Variants in NT5DC1 observed in about 807,000 individuals in gnomAD.
The protein encoded by NT5DC1 is 5'-nucleotidase domain-containing protein 1.
In NT5DC1, 42 loss-of-function variants were observed where a neutral mutation model predicts 59.4. That is an observed-to-expected ratio of 0.71 (90% CI 0.55 to 0.92). The LOEUF (loss-of-function observed/expected upper bound fraction) is 0.92, where lower values mean the gene tolerates loss of function less well. Among genes scored for constraint, NT5DC1 ranks in the 40% least tolerant of loss-of-function variants. The pLI, the probability that NT5DC1 is intolerant of heterozygous loss-of-function variation, is 0.00. For missense variants in NT5DC1, 501 were observed against 537.1 expected (o/e 0.93, Z 0.66); for synonymous variants, 172 against 188.1 (o/e 0.91, Z 0.70).
At chr6:116,175,001 G>A (rs1204779) in intron 6 of NT5DC1, among the ~76,000 whole-genome samples, 21,067 of 152,078 alleles carry the variant, frequency 0.14, 1,907 homozygotes, top group African/African-American at 0.25. Context: ...TCATTAGTAA[G>A]GGATATAGAA....
At chr6:116,230,140 C>T (rs964520326) in intron 8 of NT5DC1, among the ~76,000 whole-genome samples, 16 of 152,162 alleles carry the variant, frequency 1.1e-4, no homozygotes, top group Admixed American at 1.0e-3. Flanking sequence ...CCTCCTCTCC[C>T]TTTCCACTAG....
At chr6:116,207,141 A>G (rs1491000516) in intron 6 of NT5DC1, among the ~76,000 whole-genome samples, 1 of 151,964 alleles carries the variant, frequency 6.6e-6, no homozygotes. Flanking sequence ...CTGGGAGCTG[A>G]TATCTCTGCA....
chr6:116,203,999 T>A (rs948438342), intron 6 of NT5DC1, among the ~76,000 whole-genome samples: 2 of 151,810 alleles, frequency 1.3e-5, no homozygotes, highest in African/African-American at 4.8e-5. Context: ...ATATACCTAT[T>A]CCCAGCTCTC....
chr6:116,104,773 G>A lies in NT5DC1; in HGVS notation c.94-1471G>A, dbSNP rs535265681. On this transcript the variant is annotated intron_variant, in intron 1 of 11. Coordinates refer to ENST00000319550, the MANE Select transcript of NT5DC1 (RefSeq NM_152729.3). ...GCACTGGTTTCTTATAAGCAGGATC[G>A]TGATGTGGACTTTTTATTGTCCATA... 3.3e-5 allele frequency among the ~76,000 whole-genome samples: 5 copies of A among 152,314 alleles called. No homozygotes were observed. In the South Asian group the frequency reaches 6.2e-4, roughly 19 times the overall value.
At chr6:116,236,922 C>G (rs1782124152) in intron 8 of NT5DC1, 44 bp from the exon 9 acceptor site, 4 of 1,277,646 alleles carry the variant, frequency 3.1e-6, no homozygotes, top group East Asian at 4.6e-5. Context: ...ACTGGCTACT[C>G]TCACTTGATT....
intron 6 of NT5DC1, chr6:116,122,045 T>G: frequency 8.8e-7 from 1 of 1,139,048 alleles, no homozygotes; most frequent in Non-Finnish European, 1.3e-6. Context: ...AAACTATGAA[T>G]TGGGACACGA....
intron 6 of NT5DC1, chr6:116,126,235 A>G (rs530772397): frequency 6.6e-6 from 1 of 152,226 alleles, no homozygotes; most frequent in East Asian, 1.9e-4. Context: ...AGCACTAATT[A>G]TGGTGGAAAG....
chr6:116,221,040 T>C lies in NT5DC1; in HGVS notation c.530-14T>C, dbSNP rs758421059. On this transcript the variant is annotated splice_polypyrimidine_tract_variant and intron_variant, in intron 6 of 11. Coordinates refer to ENST00000319550, the MANE Select transcript of NT5DC1 (RefSeq NM_152729.3). ...TTTAAAAAGAAAAACCTCATTGATA[T>C]TTTTATTTTTCAGAAAACTGTGGAA... is the stretch of plus-strand genomic sequence containing the variant. The C allele has an allele frequency of 3.1e-6, 4 of 1,275,892 alleles. No individual in the cohort carries two copies. The East Asian group carries it at 7.0e-5, about 22-fold the overall frequency. 79.0% of individuals were successfully genotyped at this position (1,275,892 alleles called of 1,614,324 possible). A position where few individuals can be genotyped will look rare whatever the true frequency, so the allele number is the denominator to read the frequency against.
At chr6:116,131,401 A>G (rs1006534988) in intron 6 of NT5DC1, among the ~76,000 whole-genome samples, 1 of 152,202 alleles carries the variant, frequency 6.6e-6, no homozygotes, top group Admixed American at 6.5e-5. Flanking sequence ...AAAATGTATT[A>G]TTCATTTATA....
intron 6 of NT5DC1, among the ~76,000 whole-genome samples, chr6:116,130,581 TG>T (rs1248965228): frequency 6.6e-6 from 1 of 152,152 alleles, no homozygotes; most frequent in Non-Finnish European, 1.5e-5. Flanking sequence ...CCTGGATGTC[TG>T]GGTCCTAGGG....
Position 116,237,049 on chromosome 6 carries a change from C to T in NT5DC1, c.886C>T (p.Leu296Phe). Residue 296 changes from leucine (L) to phenylalanine (F), a missense_variant, in exon 9 of 12, where the codon CTT becomes TTT. Leu to Phe is a conservative substitution (Grantham distance 22, BLOSUM62 0). Coordinates refer to ENST00000319550, the MANE Select transcript of NT5DC1 (RefSeq NM_152729.3). ...AGGGAACGCTGTCCACCTCTATGAA[C>T]TTCTGAAGAAAATGACTGGCAAACC... ...SQGNAVHLYELLKKMTGKPEP... is the reference protein window; with the variant it reads ...SQGNAVHLYEFLKKMTGKPEP... The T allele has an allele frequency of 6.2e-7, 1 of 1,612,932 alleles. No homozygotes were observed. Among genetic ancestry groups the T allele is most frequent in the Non-Finnish European group, 8.5e-7 (1 of 1,178,970 alleles).
intron 6 of NT5DC1, chr6:116,125,265 G>C (rs1779260457): frequency 6.5e-7 from 1 of 1,532,422 alleles, no homozygotes; most frequent in South Asian, 1.2e-5. Context: ...AATGCATTTT[G>C]TTAAAGAGAT....
chr6:116,121,344 G>T (rs765628474), intron 6 of NT5DC1: 2 of 1,613,890 alleles, frequency 1.2e-6, no homozygotes, highest in South Asian at 2.2e-5. Context: ...TCTGGCCCTC[G>T]TTCCCCAGGA....
chr6:116,173,387 G>A (rs570280997), intron 6 of NT5DC1, among the ~76,000 whole-genome samples: 16 of 152,222 alleles, frequency 1.1e-4, no homozygotes, highest in African/African-American at 3.4e-4. Context: ...ATCTGGGGTG[G>A]GAAAACACTG....
chr6:116,120,503 G>T (rs968858992), intron 6 of NT5DC1: 2 of 1,614,218 alleles, frequency 1.2e-6, no homozygotes, highest in Non-Finnish European at 1.7e-6. Flanking sequence ...ACTAACAAGA[G>T]GGGTCCCAGA....
chr6:116,135,464 G>T, intron 6 of NT5DC1, among the ~76,000 whole-genome samples: 1 of 151,002 alleles, frequency 6.6e-6, no homozygotes, highest in East Asian at 1.9e-4. Flanking sequence ...AGATAATATT[G>T]GTAGAGCCCT....
intron 6 of NT5DC1, 52 bp downstream of exon 6, chr6:116,117,997 G>T (rs552608202): frequency 1.1e-5 from 10 of 913,986 alleles, no homozygotes; most frequent in Admixed American, 5.1e-5. Context: ...AGCTATGTTT[G>T]TCTAGTGAAT....
At chr6:116,129,860 G>C (rs1423124378) in intron 6 of NT5DC1, among the ~76,000 whole-genome samples, 1 of 152,146 alleles carries the variant, frequency 6.6e-6, no homozygotes, top group African/African-American at 2.4e-5. Flanking sequence ...ACTTGCTACT[G>C]TGGAGATTGG....
chr6:116,194,210 A>C (rs1474617501), intron 6 of NT5DC1, among the ~76,000 whole-genome samples: 2 of 152,082 alleles, frequency 1.3e-5, no homozygotes, highest in Non-Finnish European at 2.9e-5. Context: ...AGAAAAGGAA[A>C]TCTATTTGAT....
Sources: gnomAD v4.1 joint callset for allele counts (sites outside exome capture counted in the v4.1 genomes callset) on GRCh38, gnomAD v4.1.1 for gene constraint, MANE v1.5 for transcripts, NCBI Gene and HGNC (gene_info 2026-07-23, HGNC 2026-07-21) for gene names.